Variants in RBFOX1 observed in about 807,000 individuals in gnomAD.
RBFOX1 encodes the protein RNA binding fox-1 homolog 1.
Under a neutral mutation model 57.7 loss-of-function variants are expected in RBFOX1, and 8 were observed. The observed-to-expected ratio is 0.14, with a 90% confidence interval of 0.08 to 0.25. The LOEUF (loss-of-function observed/expected upper bound fraction) is 0.25, where lower values mean the gene tolerates loss of function less well. RBFOX1 is among the 10% of genes least tolerant of loss of function. RBFOX1 has a pLI of 1.00. For synonymous variants in RBFOX1, 326 were observed against 222.4 expected (o/e 1.47, Z -4.15); for missense variants, 611 against 548.5 (o/e 1.11, Z -1.14).
intron 4 of RBFOX1, among the ~76,000 whole-genome samples, chr16:7,254,495 TCTC>T (rs1162599713): frequency 1.0e-4 from 11 of 106,292 alleles, no homozygotes; most frequent in Admixed American, 1.8e-4. Context: ...TCTCTCTCTC[TCTC>T]TTTTTTTTTA....
At chr16:7,636,264 T>C (rs2061738691) in intron 11 of RBFOX1, among the ~76,000 whole-genome samples, 1 of 152,262 alleles carries the variant, frequency 6.6e-6, no homozygotes, top group Non-Finnish European at 1.5e-5. Flanking sequence ...CATGTTTTGC[T>C]CTATTTTGCA....
chr16:6,157,170 T>A (rs1175570911), intron 1 of RBFOX1, among the ~76,000 whole-genome samples: 1 of 152,022 alleles, frequency 6.6e-6, no homozygotes, highest in Non-Finnish European at 1.5e-5. Flanking sequence ...TTTATAAAAA[T>A]TTATTTTTAT....
intron 4 of RBFOX1, among the ~76,000 whole-genome samples, chr16:7,284,852 C>T (rs557696140): frequency 5.5e-4 from 83 of 152,208 alleles, no homozygotes; most frequent in African/African-American, 1.9e-3. Flanking sequence ...ATCTTTTGGC[C>T]ACTGCCTTCT....
intron 4 of RBFOX1, among the ~76,000 whole-genome samples, chr16:7,190,969 C>G (rs941579880): frequency 1.3e-5 from 2 of 151,728 alleles, no homozygotes; most frequent in African/African-American, 4.8e-5. Context: ...CAATCAGAAC[C>G]TTGAAAAAGG....
chr16:7,704,694 G>C (rs1236986508), intron 14 of RBFOX1, among the ~76,000 whole-genome samples: 1 of 152,152 alleles, frequency 6.6e-6, no homozygotes, highest in East Asian at 1.9e-4. Flanking sequence ...TGGGAAATAA[G>C]ATTATTAGAG....
intron 1 of RBFOX1, among the ~76,000 whole-genome samples, chr16:6,308,023 TTTATG>T: frequency 6.6e-6 from 1 of 150,516 alleles, no homozygotes; most frequent in South Asian, 2.1e-4. Context: ...ATAAATGATA[TTTATG>T]TTATTTATAT....
intron 5 of RBFOX1, among the ~76,000 whole-genome samples, chr16:7,521,835 C>T (rs1194740563): frequency 1.3e-5 from 2 of 152,104 alleles, no homozygotes; most frequent in African/African-American, 2.4e-5. Context: ...AAAGTCCAGG[C>T]GGAGGGTGGA....
chr16:5,751,956 T>C (rs1687852931), intron 3 of RBFOX1, among the ~76,000 whole-genome samples: 1 of 152,190 alleles, frequency 6.6e-6, no homozygotes, highest in African/African-American at 2.4e-5. Flanking sequence ...ATCGTTCTAT[T>C]ATAAAGATAC....
At chr16:7,700,797 C>G (rs894403357) in intron 14 of RBFOX1, among the ~76,000 whole-genome samples, 1 of 152,226 alleles carries the variant, frequency 6.6e-6, no homozygotes, top group East Asian at 1.9e-4. Flanking sequence ...TCCCTCAAAT[C>G]TGCTGTTGGG....
At chr16:7,357,497 G>A (rs1186764596) in intron 4 of RBFOX1, among the ~76,000 whole-genome samples, 2 of 152,086 alleles carry the variant, frequency 1.3e-5, no homozygotes, top group Non-Finnish European at 2.9e-5. Flanking sequence ...CAACTGTCCT[G>A]CTTACTGCTG....
At chr16:5,957,189 T>C (rs2152284026) in intron 4 of RBFOX1, among the ~76,000 whole-genome samples, 1 of 152,214 alleles carries the variant, frequency 6.6e-6, no homozygotes. Flanking sequence ...ACGATCACAC[T>C]ATGAGAAACA....
intron 14 of RBFOX1, among the ~76,000 whole-genome samples, chr16:7,682,343 C>A (rs2074976909): frequency 6.6e-6 from 1 of 151,986 alleles, no homozygotes; most frequent in Non-Finnish European, 1.5e-5. Context: ...CAACAAGGAA[C>A]TGAGGATGGA....
chr16:5,307,038 C>T (rs1195488566), intron 1 of RBFOX1, among the ~76,000 whole-genome samples: 1 of 151,984 alleles, frequency 6.6e-6, no homozygotes, highest in Admixed American at 6.6e-5. Flanking sequence ...ACTATTTTCA[C>T]TTCAACTTAA....
intron 2 of RBFOX1, among the ~76,000 whole-genome samples, chr16:6,596,619 G>C (rs2097779135): frequency 7.0e-6 from 1 of 143,270 alleles, no homozygotes; most frequent in Non-Finnish European, 1.5e-5. Context: ...GTCTCAGCTG[G>C]AAAATAACTT....
chr16:7,562,351 T>G (rs1208435903), intron 5 of RBFOX1, among the ~76,000 whole-genome samples: 4 of 152,074 alleles, frequency 2.6e-5, no homozygotes, highest in Admixed American at 6.5e-5. Flanking sequence ...CTCTGGCTCT[T>G]GAAAGAGCCT....
intron 1 of RBFOX1, among the ~76,000 whole-genome samples, chr16:5,375,023 G>A (rs1180064773): frequency 2.9e-5 from 4 of 140,062 alleles, no homozygotes; most frequent in African/African-American, 1.1e-4. Flanking sequence ...GGCCACCATT[G>A]TGCCAGACAC....
intron 1 of RBFOX1, among the ~76,000 whole-genome samples, chr16:6,286,649 C>T (rs74649243): frequency 2.9e-3 from 439 of 152,232 alleles, no homozygotes; most frequent in African/African-American, 9.9e-3. Context: ...GCCTGGACTC[C>T]GAGCAGAAGG....
At chr16:6,350,177 C>G (rs1414311375) in intron 2 of RBFOX1, among the ~76,000 whole-genome samples, 1 of 151,946 alleles carries the variant, frequency 6.6e-6, no homozygotes, top group African/African-American at 2.4e-5. Context: ...TGTTTCACGC[C>G]TGTAATCCCA....
At chr16:5,875,967 C>T (rs1222238790) in intron 4 of RBFOX1, among the ~76,000 whole-genome samples, 1 of 151,914 alleles carries the variant, frequency 6.6e-6, no homozygotes, top group Non-Finnish European at 1.5e-5. Flanking sequence ...CCTCAGCCTC[C>T]CGAGTAGCTG....
Sources: allele counts gnomAD v4.1 joint callset (sites outside exome capture counted in the v4.1 genomes callset), GRCh38; gene constraint gnomAD v4.1.1; transcripts MANE v1.5; gene names NCBI Gene and HGNC (gene_info 2026-07-23, HGNC 2026-07-21).